Variants in ADGRG4 observed in about 807,000 individuals in gnomAD.
The protein encoded by ADGRG4 is G protein-coupled receptor 112.
ADGRG4 carries 122 observed loss-of-function variants against 126.2 expected under a neutral mutation model. The ratio of observed to expected loss-of-function variants is 0.97; its 90% CI spans 0.83 to 1.12. The LOEUF (loss-of-function observed/expected upper bound fraction) is 1.12. Ranked by LOEUF, ADGRG4 falls within the 50% of genes most tolerant of loss-of-function variation. ADGRG4 has a pLI of 0.00. For synonymous variants in ADGRG4, 943 were observed against 838.7 expected (o/e 1.12, Z -2.15); for missense variants, 2,481 against 2,251.8 (o/e 1.10, Z -2.06).
At chrX:136,390,082 G>A (rs1300608504) in intron 16 of ADGRG4, among the ~76,000 whole-genome samples, 2 of 111,671 alleles carry the variant, frequency 1.8e-5, no homozygotes, top group African/African-American at 6.5e-5. Flanking sequence ...ACAGGATCTC[G>A]CTCTGCCACC....
At chrX:136,391,858 AG>A (rs1297831588) in intron 16 of ADGRG4, among the ~76,000 whole-genome samples, 1 of 112,947 alleles carries the variant, frequency 8.9e-6, no homozygotes, top group Non-Finnish European at 1.9e-5. Context: ...GCTCCCTAAA[AG>A]TAAGCAAGGA....
rs775194777 is a variant in ADGRG4, at chrX:136,347,810, A to G, written c.4104A>G (p.Gln1368=). Residue 1368 remains glutamine, a synonymous_variant, in exon 6 of 26, where the codon CAA becomes CAG. Coordinates refer to ENST00000394143, the MANE Select transcript of ADGRG4 (RefSeq NM_153834.4). Reference sequence around the variant, plus strand: ...TTGGGAAAACAGCTCTCCCCTCACAAGCTCTGACAATCACCACTTTTTTGT... The same window carrying G: ...TTGGGAAAACAGCTCTCCCCTCACAGGCTCTGACAATCACCACTTTTTTGT... ...TSLGKTALPS[Q]ALTITTFLCP... 1 of 1,209,248 alleles carries G rather than the reference A, an allele frequency of 8.3e-7. No individual in the cohort carries two copies. Among genetic ancestry groups the G allele is most frequent in the South Asian group, 1.8e-5 (1 of 56,880 alleles).
chrX:136,333,786 A>T, intron 5 of ADGRG4, among the ~76,000 whole-genome samples: 1 of 111,961 alleles, frequency 8.9e-6, no homozygotes, highest in South Asian at 3.7e-4. Context: ...CCAAAGTGCT[A>T]GGATTACAGC....
In ADGRG4 at chrX:136,390,414, C is replaced by T. The variant is rs768579802; in HGVS notation, c.7912-1818C>T. 2.7e-5 allele frequency among the ~76,000 whole-genome samples: 3 copies of T among 111,262 alleles called. No homozygotes were observed. In the South Asian group the frequency reaches 1.1e-3, roughly 42 times the overall value. ...ATGTGTCTCCTCCTCCACACCTCCT[C>T]TAGCTGTGATTCTCAGGGAGAGGGA... On this transcript the variant is annotated intron_variant, in intron 16 of 25. Transcript: ENST00000394143.
At chrX:136,409,879 C>T (rs190226948) in intron 23 of ADGRG4, among the ~76,000 whole-genome samples, 1 of 112,256 alleles carries the variant, frequency 8.9e-6, no homozygotes, top group African/African-American at 3.2e-5. Context: ...TTTTCCTTAC[C>T]TGAGGCTAGT....
Position 136,323,160 on chromosome X carries a change from C to A in ADGRG4, c.453C>A (p.Asn151Lys). Residue 151 changes from asparagine to lysine, a missense_variant, in exon 5 of 26, where the codon AAC becomes AAA. Coordinates refer to ENST00000394143, the MANE Select transcript of ADGRG4 (RefSeq NM_153834.4). Reference protein sequence around the residue: ...RILEVTDQPHNLTPHGTLFLG... With the variant: ...RILEVTDQPHKLTPHGTLFLG... ...TGGAAGTAACGGATCAACCACACAA[C>A]CTGACACCTCATGGGACTCTGTTCC... 1 of 1,211,677 alleles carries A rather than the reference C, an allele frequency of 8.3e-7. No homozygotes were observed. The highest frequency in any genetic ancestry group is 1.1e-6 in the Non-Finnish European group (1 of 895,375).
chrX:136,321,292 G>A (rs1164685205), intron 4 of ADGRG4, among the ~76,000 whole-genome samples: 1 of 112,018 alleles, frequency 8.9e-6, no homozygotes, highest in Non-Finnish European at 1.9e-5. Flanking sequence ...ATGAGTTCCT[G>A]CACATGGGAG....
intron 21 of ADGRG4, among the ~76,000 whole-genome samples, chrX:136,401,158 T>C (rs1049347720): frequency 2.7e-5 from 3 of 111,890 alleles, no homozygotes; most frequent in Admixed American, 9.4e-5. Context: ...GAACAGATCA[T>C]AATCTAAAAG....
At chrX:136,324,015 A>T (rs926229682) in intron 5 of ADGRG4, among the ~76,000 whole-genome samples, 57 of 111,811 alleles carry the variant, frequency 5.1e-4, no homozygotes, top group African/African-American at 1.7e-3. Flanking sequence ...TCATAATTAG[A>T]TTCAGGCTAT....
At chrX:136,382,234 T>A (rs1180649771) in intron 15 of ADGRG4, among the ~76,000 whole-genome samples, 1 of 111,589 alleles carries the variant, frequency 9.0e-6, no homozygotes, top group African/African-American at 3.3e-5. Context: ...CAACTGGAAA[T>A]GCACAAATCC....
intron 5 of ADGRG4, among the ~76,000 whole-genome samples, chrX:136,337,784 T>G (rs1373302803): frequency 2.7e-5 from 3 of 112,559 alleles, no homozygotes; most frequent in Non-Finnish European, 3.8e-5. Context: ...ACAGATTTCT[T>G]TGGCTTTTAT....
chrX:136,356,630 T>C (rs1445445849), intron 9 of ADGRG4, among the ~76,000 whole-genome samples: 2 of 111,825 alleles, frequency 1.8e-5, no homozygotes, highest in African/African-American at 6.5e-5. Context: ...CACTCTAAAA[T>C]GAGTAGCAAG....
chrX:136,373,106 C>T, intron 15 of ADGRG4, 42 bp downstream of exon 15: 2 of 1,105,065 alleles, frequency 1.8e-6, no homozygotes, highest in East Asian at 3.1e-5. Context: ...CAGCCAAGCA[C>T]TGTTTCAGGT....
intron 14 of ADGRG4, among the ~76,000 whole-genome samples, chrX:136,372,550 T>G (rs2075201522): frequency 8.9e-6 from 1 of 111,963 alleles, no homozygotes; most frequent in Non-Finnish European, 1.9e-5. Context: ...AATCCAAATG[T>G]CTTATAAAGT....
chrX:136,410,075 A>G (rs2075437682), intron 23 of ADGRG4, among the ~76,000 whole-genome samples: 1 of 112,313 alleles, frequency 8.9e-6, no homozygotes, highest in Non-Finnish European at 1.9e-5. Context: ...TGCTAAATAA[A>G]CACTAGCTGT....
chrX:136,344,323 A>C, intron 5 of ADGRG4, 69 bp from the exon 6 acceptor site: 3 of 627,713 alleles, frequency 4.8e-6, no homozygotes, highest in Non-Finnish European at 7.3e-6. Flanking sequence ...GAAATTATAG[A>C]GCTCTTTCTA....
intron 19 of ADGRG4, 107 bp from the exon 20 acceptor site, chrX:136,397,774 C>A: frequency 2.6e-6 from 2 of 759,847 alleles, no homozygotes; most frequent in Non-Finnish European, 3.9e-6. Flanking sequence ...AGAGCTATGG[C>A]AGAAATGTTA....
chrX:136,370,052 G>A (rs1316497801), intron 13 of ADGRG4, among the ~76,000 whole-genome samples: 1 of 111,766 alleles, frequency 8.9e-6, no homozygotes, highest in Non-Finnish European at 1.9e-5. Context: ...AAGTTGTGGG[G>A]AGCTTGGGGT....
At chrX:136,403,134 C>A in intron 21 of ADGRG4, 110 bp from the exon 22 acceptor site, 1 of 554,054 alleles carries the variant, frequency 1.8e-6, no homozygotes, top group Non-Finnish European at 3.1e-6. Flanking sequence ...GATGCCCGCA[C>A]ATCTGTGGCT....
Sources: allele counts gnomAD v4.1 joint callset (sites outside exome capture counted in the v4.1 genomes callset), GRCh38; gene constraint gnomAD v4.1.1; transcripts MANE v1.5; gene names NCBI Gene and HGNC (gene_info 2026-07-23, HGNC 2026-07-21).